NRG3: variants seen among roughly 807,000 people sequenced by gnomAD.
The protein encoded by NRG3 is neuregulin 3, also known as pro-neuregulin-3, membrane-bound isoform.
In NRG3, 31 loss-of-function variants were observed where a neutral mutation model predicts 66.9. That is an observed-to-expected ratio of 0.46 (90% CI 0.35 to 0.63). NRG3 has a LOEUF of 0.63. Among genes scored for constraint, NRG3 ranks in the 20% least tolerant of loss-of-function variants. The pLI is 0.00. For synonymous variants in NRG3, 393 were observed against 359.4 expected, an observed-to-expected ratio of 1.09 and a Z score of -1.06; for missense variants, 910 against 878.9, an observed-to-expected ratio of 1.04 and a Z score of -0.45.
At chr10:82,800,595 T>C (rs1456692056) in intron 3 of NRG3, among the ~76,000 whole-genome samples, 4 of 152,208 alleles carry the variant, frequency 2.6e-5, no homozygotes, top group Admixed American at 2.6e-4. Context: ...TTAATGTTAG[T>C]ACATTTGGCT....
chr10:81,903,994 A>T lies in NRG3; in HGVS notation c.823+27831A>T, dbSNP rs11191745. On this transcript the variant is annotated intron_variant, in intron 1 of 8. Transcript: ENST00000372141. ...AGTGTGTATATATATATATATATAT[A>T]TATTTTTTTTTTTTGTTTGTTTGTT... 1.3e-3 allele frequency among the ~76,000 whole-genome samples: 139 copies of T among 103,466 alleles called. 1 individual carries two copies. Among genetic ancestry groups the T allele is most frequent in the East Asian group, 0.013 (37 of 2,824 alleles). 67.9% of individuals were successfully genotyped at this position (103,466 alleles called of 152,430 possible). A position where few individuals can be genotyped will look rare whatever the true frequency, so the allele number is the denominator to read the frequency against.
At chr10:82,793,850 G>C (rs1334857426) in intron 3 of NRG3, among the ~76,000 whole-genome samples, 1 of 152,110 alleles carries the variant, frequency 6.6e-6, no homozygotes, top group Non-Finnish European at 1.5e-5. Context: ...CAAGTCATGA[G>C]GCCAAGCCTA....
chr10:82,251,031 CTT>C (rs1436641530), intron 1 of NRG3, among the ~76,000 whole-genome samples: 1 of 152,210 alleles, frequency 6.6e-6, no homozygotes, highest in Non-Finnish European at 1.5e-5. Context: ...AATTGAGAGA[CTT>C]TACACAAATC....
At chr10:82,154,955 A>C (rs1481501960) in intron 1 of NRG3, among the ~76,000 whole-genome samples, 1 of 151,780 alleles carries the variant, frequency 6.6e-6, no homozygotes, top group Non-Finnish European at 1.5e-5. Context: ...TTAGGTGAAC[A>C]CTTTAGGGTT....
chr10:81,913,713 C>T (rs111422546), intron 1 of NRG3, among the ~76,000 whole-genome samples: 2,877 of 152,164 alleles, frequency 0.019, 80 homozygotes, highest in African/African-American at 0.063. Context: ...CATGAGCCAC[C>T]GCTCCCAGCC....
At chr10:82,010,308 A>G (rs1370363773) in intron 1 of NRG3, among the ~76,000 whole-genome samples, 2 of 152,300 alleles carry the variant, frequency 1.3e-5, no homozygotes, top group East Asian at 3.9e-4. Context: ...GTGCTGTTGT[A>G]AAAGGGGCCG....
intron 1 of NRG3, among the ~76,000 whole-genome samples, chr10:82,128,305 T>C (rs536630644): frequency 1.1e-4 from 16 of 152,190 alleles, no homozygotes; most frequent in African/African-American, 3.6e-4. Context: ...CTAAGGACTG[T>C]CATAAATGGC....
chr10:82,927,340 T>G (rs1847103125), intron 4 of NRG3, among the ~76,000 whole-genome samples: 1 of 152,138 alleles, frequency 6.6e-6, no homozygotes, highest in Admixed American at 6.6e-5. Flanking sequence ...ACAAAATAAT[T>G]TTTATTTATG....
chr10:82,883,224 CTA>C (rs1564599936), intron 4 of NRG3, among the ~76,000 whole-genome samples: 1 of 151,838 alleles, frequency 6.6e-6, no homozygotes, highest in Non-Finnish European at 1.5e-5. Flanking sequence ...AAATCAAACA[CTA>C]TGTATTTACA....
intron 3 of NRG3, among the ~76,000 whole-genome samples, chr10:82,782,890 G>T (rs924188842): frequency 2.0e-5 from 3 of 152,108 alleles, no homozygotes; most frequent in Non-Finnish European, 2.9e-5. Context: ...CCAAAGACGG[G>T]CAGAGACAAA....
At chr10:82,548,039 GTTTTTT>G (rs57096412) in intron 2 of NRG3, among the ~76,000 whole-genome samples, 1 of 121,016 alleles carries the variant, frequency 8.3e-6, no homozygotes, top group African/African-American at 2.8e-5. Flanking sequence ...CTCATGCCAC[GTTTTTT>G]TTTTTTTTTT....
chr10:82,846,014 A>G (rs2135790537), intron 3 of NRG3, among the ~76,000 whole-genome samples: 1 of 152,282 alleles, frequency 6.6e-6, no homozygotes, highest in Middle Eastern at 3.4e-3. Flanking sequence ...TCAACAGTCT[A>G]TAGTTGAGAA....
chr10:82,955,007 A>G (rs570931584), intron 5 of NRG3, among the ~76,000 whole-genome samples: 1 of 152,034 alleles, frequency 6.6e-6, no homozygotes, highest in Admixed American at 6.5e-5. Flanking sequence ...ACTGGTATTC[A>G]AATAAGTTCA....
intron 1 of NRG3, among the ~76,000 whole-genome samples, chr10:82,092,509 A>G (rs1177651634): frequency 1.3e-5 from 2 of 152,000 alleles, no homozygotes; most frequent in Non-Finnish European, 2.9e-5. Flanking sequence ...GTCATCTGTC[A>G]TGTAATTTCA....
At chr10:82,232,064 G>C (rs989531295) in intron 1 of NRG3, among the ~76,000 whole-genome samples, 6 of 152,062 alleles carry the variant, frequency 3.9e-5, no homozygotes, top group Non-Finnish European at 7.4e-5. Context: ...AAATTACTAT[G>C]GTAGGTCTCT....
intron 1 of NRG3, among the ~76,000 whole-genome samples, chr10:82,273,301 T>C (rs978713773): frequency 2.6e-5 from 4 of 152,034 alleles, no homozygotes; most frequent in Admixed American, 2.0e-4. Flanking sequence ...CTCTAAAGAC[T>C]CTTCTGTAGA....
chr10:82,188,982 C>CA (rs750221197), intron 1 of NRG3, among the ~76,000 whole-genome samples: 7 of 148,554 alleles, frequency 4.7e-5, no homozygotes, highest in Non-Finnish European at 9.0e-5. Context: ...TGGAGAAGGG[C>CA]AAAAAAAACT....
At chr10:82,595,783 C>CAA (rs74616149) in intron 2 of NRG3, among the ~76,000 whole-genome samples, 2 of 136,338 alleles carry the variant, frequency 1.5e-5, no homozygotes, top group Non-Finnish European at 3.2e-5. Flanking sequence ...GACTGTGTCT[C>CAA]AAAAAAAAAA....
At chr10:82,938,582 T>C in intron 4 of NRG3, among the ~76,000 whole-genome samples, 1 of 152,194 alleles carries the variant, frequency 6.6e-6, no homozygotes, top group African/African-American at 2.4e-5. Context: ...TGCCAATACC[T>C]GTGGTAAAGG....
Sources: allele counts gnomAD v4.1 joint callset (sites outside exome capture counted in the v4.1 genomes callset), GRCh38; gene constraint gnomAD v4.1.1; transcripts MANE v1.5; gene names NCBI Gene and HGNC (gene_info 2026-07-23, HGNC 2026-07-21).